SEMA5B: variants seen among roughly 807,000 people sequenced by gnomAD.
The protein encoded by SEMA5B is semaphorin 5B.
A neutral mutation model predicts 135.0 loss-of-function variants in SEMA5B; 66 were observed. The ratio of observed to expected loss-of-function variants is 0.49; its 90% CI spans 0.40 to 0.60. SEMA5B has a LOEUF of 0.60. Ranked by LOEUF, SEMA5B falls within the 20% of genes least tolerant of loss-of-function variation. The pLI is 0.00. For missense variants in SEMA5B, 1,501 were observed against 1,566.3 expected, an observed-to-expected ratio of 0.96 and a Z score of 0.70; for synonymous variants, 690 against 639.5, an observed-to-expected ratio of 1.08 and a Z score of -1.19.
At chr3:122,985,514 G>C (rs1378580294) in intron 1 of SEMA5B, among the ~76,000 whole-genome samples, 2 of 151,570 alleles carry the variant, frequency 1.3e-5, no homozygotes, top group South Asian at 2.1e-4. Context: ...AAAAAAGAAA[G>C]AAAAAGAAAA....
At chr3:123,002,657 C>A (rs1942208004) in intron 1 of SEMA5B, among the ~76,000 whole-genome samples, 1 of 152,192 alleles carries the variant, frequency 6.6e-6, no homozygotes, top group South Asian at 2.1e-4. Context: ...CCTCTTGAAG[C>A]CCCGACCTGC....
Position 122,923,852 on chromosome 3 carries a change from T to C in SEMA5B, c.1137-100A>G, listed in dbSNP as rs530324451. Reference sequence around the variant, plus strand: ...CTGTCATGTCCAATTCCCAAGGCTCTGTAAGCATCTATGATGTGTCTGGCA... The same window carrying C: ...CTGTCATGTCCAATTCCCAAGGCTCCGTAAGCATCTATGATGTGTCTGGCA... On this transcript the variant is annotated intron_variant, in intron 9 of 22. Transcript: ENST00000357599. 22 of 1,360,162 alleles carry C rather than the reference T, an allele frequency of 1.6e-5. 1 individual carries two copies. In the South Asian group the frequency reaches 1.8e-4, roughly 11 times the overall value. 84.3% of individuals were successfully genotyped at this position (1,360,162 alleles called of 1,614,324 possible).
At chr3:122,935,071 TGTGTATGAAATTAC>T (rs1169918482) in intron 5 of SEMA5B, among the ~76,000 whole-genome samples, 1 of 152,160 alleles carries the variant, frequency 6.6e-6, no homozygotes, top group African/African-American at 2.4e-5. Context: ...TGCTTTTGTG[TGTGTATGAAATTAC>T]GTGATAAAAA....
chr3:122,997,949 G>A (rs1175018682), intron 1 of SEMA5B, among the ~76,000 whole-genome samples: 6 of 152,002 alleles, frequency 3.9e-5, no homozygotes, highest in East Asian at 1.9e-4. Context: ...TCTTCCTCAC[G>A]CCCCCACTTT....
Position 122,922,439 on chromosome 3 carries a change from G to T in SEMA5B, c.1281C>A (p.Thr427=), listed in dbSNP as rs756890500. 6.2e-7 allele frequency: 1 copy of T among 1,600,482 alleles called. No individual in the cohort carries two copies. The highest frequency in any genetic ancestry group is 1.1e-5 in the South Asian group (1 of 89,260). The change falls in exon 11 of 23, where the codon ACC becomes ACA. Residue 427 remains threonine, a synonymous_variant. Coordinates refer to ENST00000357599, the MANE Select transcript of SEMA5B (RefSeq NM_001031702.4). ...TCTCGTTGGGACCGGTCTCAGGCAGGGTGCCACACTGCCGCGGGGAGCCAG... is the reference window on the plus strand; with the variant it reads ...TCTCGTTGGGACCGGTCTCAGGCAGTGTGCCACACTGCCGCGGGGAGCCAG... ...ANPIPNFQCG[T]LPETGPNENL...
At chr3:122,986,609 G>GTA in intron 1 of SEMA5B, among the ~76,000 whole-genome samples, 1 of 151,770 alleles carries the variant, frequency 6.6e-6, no homozygotes, top group East Asian at 1.9e-4. Context: ...GTGTGTGTGT[G>GTA]TGTGTGTGTG....
intron 1 of SEMA5B, among the ~76,000 whole-genome samples, chr3:122,969,736 G>A (rs938206957): frequency 1.6e-4 from 24 of 152,132 alleles, no homozygotes; most frequent in Admixed American, 7.9e-4. Flanking sequence ...GTTCCCTGAC[G>A]CAGGGAAAGT....
At chr3:122,991,288 C>T (rs1020744543) in intron 1 of SEMA5B, among the ~76,000 whole-genome samples, 13 of 152,330 alleles carry the variant, frequency 8.5e-5, no homozygotes, top group Non-Finnish European at 1.3e-4. Flanking sequence ...GACATGGTTA[C>T]ACTTCACTTG....
chr3:122,911,347 C>A, intron 21 of SEMA5B, 144 bp downstream of exon 21: 1 of 1,542,680 alleles, frequency 6.5e-7, no homozygotes, highest in South Asian at 1.2e-5. Flanking sequence ...ACTGCCCAGA[C>A]CACCCTACAC....
chr3:123,013,550 C>T (rs1222245748), intron 1 of SEMA5B, among the ~76,000 whole-genome samples: 1 of 152,126 alleles, frequency 6.6e-6, no homozygotes, highest in African/African-American at 2.4e-5. Context: ...AATAATTTGC[C>T]CAAAGGCCAC....
At chr3:122,915,642 C>G (rs768545572) in intron 13 of SEMA5B, 21 bp from the exon 14 acceptor site, 2 of 1,604,624 alleles carry the variant, frequency 1.2e-6, no homozygotes, top group African/African-American at 2.7e-5. Flanking sequence ...ACATGGGAGA[C>G]AGTACCCCTA....
At chr3:122,932,769 G>T (rs934492105) in intron 5 of SEMA5B, among the ~76,000 whole-genome samples, 1 of 152,138 alleles carries the variant, frequency 6.6e-6, no homozygotes, top group Non-Finnish European at 1.5e-5. Context: ...TGCTGTGTGT[G>T]TGTCTTTCTT....
chr3:122,921,854 C>T lies in SEMA5B; in HGVS notation c.1688+61G>A, dbSNP rs374218165. On this transcript the variant is annotated intron_variant, in intron 12 of 22. Transcript: ENST00000357599. ...ACCCCAGGTCTCCCGGGTCCAAAGC[C>T]CCGCCTCTTAAGCGCCTCCTCCGCA... 3.6e-5 allele frequency: 51 copies of T among 1,430,584 alleles called. No homozygotes were observed. In the African/African-American group the frequency reaches 3.9e-4, roughly 11 times the overall value. 88.6% of individuals were successfully genotyped at this position (1,430,584 alleles called of 1,614,324 possible).
intron 14 of SEMA5B, among the ~76,000 whole-genome samples, chr3:122,914,468 A>G (rs1560284242): frequency 1.3e-5 from 2 of 152,090 alleles, no homozygotes; most frequent in Admixed American, 6.5e-5. Context: ...CCAATTTTCA[A>G]ATCTGGGCTC....
intron 1 of SEMA5B, chr3:122,976,122 A>G (rs1382197438): frequency 2.0e-5 from 31 of 1,535,248 alleles, no homozygotes; most frequent in Non-Finnish European, 2.5e-5. Flanking sequence ...CAGATGCAGC[A>G]TGTGGTTTAT....
chr3:123,020,001 A>G (rs1368544949), intron 1 of SEMA5B, among the ~76,000 whole-genome samples: 5 of 152,238 alleles, frequency 3.3e-5, no homozygotes, highest in Non-Finnish European at 4.4e-5. Context: ...TCTGAATCCA[A>G]AAACTTTTTA....
At position 122,926,481 on chromosome 3, in the gene SEMA5B, C is replaced by T. The variant is rs762167052; in HGVS notation, c.1047G>A (p.Pro349=). 1.9e-5 allele frequency: 30 copies of T among 1,614,070 alleles called. No homozygotes were observed. Among genetic ancestry groups the T allele is most frequent in the Middle Eastern group, 1.6e-4 (1 of 6,082 alleles). ...FMKARLNCSR[P]GEVPFYYNEL... is the part of the protein sequence containing the mutation. ...CGTTATAGTAGAAGGGGACCTCGCC[C>T]GGGCGGGAGCAGTTGAGCCGGGCCT... The change falls in exon 9 of 23, where the codon CCG becomes CCA. Residue 349 remains proline (P), a synonymous_variant. Coordinates refer to ENST00000357599, the MANE Select transcript of SEMA5B (RefSeq NM_001031702.4).
intron 5 of SEMA5B, among the ~76,000 whole-genome samples, chr3:122,930,325 C>G (rs979340404): frequency 1.3e-5 from 2 of 152,178 alleles, no homozygotes; most frequent in African/African-American, 4.8e-5. Context: ...AAGTTTGGAG[C>G]CCAGGCTTCT....
intron 1 of SEMA5B, among the ~76,000 whole-genome samples, chr3:122,991,976 A>T (rs1180640749): frequency 6.6e-6 from 1 of 152,174 alleles, no homozygotes; most frequent in Non-Finnish European, 1.5e-5. Flanking sequence ...TTACGGATAC[A>T]GGAAGCATGT....
Sources: gnomAD v4.1 joint callset for allele counts (sites outside exome capture counted in the v4.1 genomes callset) on GRCh38, gnomAD v4.1.1 for gene constraint, MANE v1.5 for transcripts, NCBI Gene and HGNC (gene_info 2026-07-23, HGNC 2026-07-21) for gene names.